Variants in PCNT observed in about 807,000 individuals in gnomAD.
PCNT encodes the protein kendrin.
In PCNT, 319 loss-of-function variants were observed where a neutral mutation model predicts 380.4. The observed-to-expected ratio is 0.84, with a 90% CI of 0.77 to 0.92. The LOEUF is 0.92. PCNT is among the 40% of genes least tolerant of loss of function. The pLI, the probability that PCNT is intolerant of heterozygous loss-of-function variation, is 0.00. For missense variants in PCNT, 4,400 were observed against 4,255.3 expected (o/e 1.03, Z -0.95); for synonymous variants, 1,845 against 1,735.2 (o/e 1.06, Z -1.57).
In PCNT at chr21:46,390,797, A is replaced by T. The variant is rs1485144030; in HGVS notation, c.3968A>T (p.Lys1323Met). The change falls in exon 20 of 47, where the codon AAG becomes ATG. Residue 1323 changes from lysine (K) to methionine (M), a missense_variant. By Grantham distance (95) the Lys-to-Met change is moderately conservative. Coordinates refer to ENST00000359568, the MANE Select transcript of PCNT (RefSeq NM_006031.6). ...TGTTTGAAGGAGGAGAGCGCAGCAA[A>T]GGCAGAGCTGGCGCTGGAGCTGCAC... is the stretch of plus-strand genomic sequence containing the variant. The part of the protein sequence containing the change: ...LECLKEESAA[K>M]AELALELHKT... The T allele has an allele frequency of 6.2e-7, 1 of 1,611,754 alleles. No homozygotes were observed. Among genetic ancestry groups the T allele is most frequent in the African/African-American group, 1.3e-5 (1 of 74,990 alleles).
At chr21:46,394,119 G>A (rs889913511) in intron 21 of PCNT, among the ~76,000 whole-genome samples, 1 of 152,198 alleles carries the variant, frequency 6.6e-6, no homozygotes, top group Non-Finnish European at 1.5e-5. Flanking sequence ...CTGGCTCTGC[G>A]GTTGTGTGAC....
chr21:46,347,098 C>A (rs772537642), intron 5 of PCNT, 100 bp downstream of exon 5: 127 of 1,384,546 alleles, frequency 9.2e-5, no homozygotes, highest in Non-Finnish European at 1.2e-4. Flanking sequence ...GCCCTAGCAC[C>A]GTCTCCCCAT....
intron 3 of PCNT, among the ~76,000 whole-genome samples, chr21:46,344,185 T>C (rs551318018): frequency 1.3e-5 from 2 of 152,168 alleles, no homozygotes; most frequent in South Asian, 4.2e-4. Flanking sequence ...GCCATTCTCC[T>C]GCCTCAGCCT....
intron 5 of PCNT, 100 bp from the exon 6 acceptor site, chr21:46,347,357 C>A: frequency 8.7e-7 from 1 of 1,152,148 alleles, no homozygotes; most frequent in Non-Finnish European, 1.3e-6. Flanking sequence ...AATGCTGGCA[C>A]GTGTCCAGTG....
chr21:46,389,117 G>A, intron 18 of PCNT, 82 bp from the exon 19 acceptor site: 1 of 1,423,940 alleles, frequency 7.0e-7, no homozygotes. Context: ...TGAGTTCTGT[G>A]GCTTCCTTGT....
At chr21:46,357,829 C>T (rs562070517) in intron 13 of PCNT, among the ~76,000 whole-genome samples, 2 of 152,362 alleles carry the variant, frequency 1.3e-5, no homozygotes, top group African/African-American at 4.8e-5. Context: ...GCCTCTGATG[C>T]TCACCCCAAG....
intron 16 of PCNT, among the ~76,000 whole-genome samples, chr21:46,384,332 A>C (rs1325146222): frequency 6.9e-6 from 1 of 144,582 alleles, no homozygotes. Flanking sequence ...GGTGTTGTGC[A>C]TTCAGTGGCG....
At position 46,357,152 on chromosome 21, in the gene PCNT, G is replaced by A. The variant is rs776897767; in HGVS notation, c.2115G>A (p.Lys705=). The part of the protein sequence containing the change: ...LKIENRNLYG[K]LQHETRLKDD... ...TAGAAAATAGAAATTTGTATGGGAA[G>A]TTGCAGCATGAAACTCGTCTGAAGG... The change falls in exon 13 of 47, where the codon AAG becomes AAA. Residue 705 remains lysine, a synonymous_variant. Coordinates refer to ENST00000359568, the MANE Select transcript of PCNT (RefSeq NM_006031.6). The A allele has an allele frequency of 1.9e-6, 3 of 1,613,960 alleles. No homozygotes were observed. The highest frequency in any genetic ancestry group is 1.1e-5 in the South Asian group (1 of 91,078).
At chr21:46,326,089 T>A (rs2083386581) in intron 1 of PCNT, among the ~76,000 whole-genome samples, 1 of 152,250 alleles carries the variant, frequency 6.6e-6, no homozygotes, top group Non-Finnish European at 1.5e-5. Flanking sequence ...AAATTTTTTT[T>A]AAAGTTTTAT....
chr21:46,427,645 T>C lies in PCNT; in HGVS notation c.7344T>C (p.Asp2448=), dbSNP rs1038055956. Residue 2448 remains aspartate (D), a synonymous_variant, in exon 34 of 47, where the codon GAT becomes GAC. Transcript: ENST00000359568. ...AGGAAGTGCCCACCGCGTGCCCCGATTGGAGAGGGGACCTTCTGCAGGTTG... is the reference window on the plus strand; with the variant it reads ...AGGAAGTGCCCACCGCGTGCCCCGACTGGAGAGGGGACCTTCTGCAGGTTG... ...KTQEVPTACP[D]WRGDLLQVVQ... The C allele has an allele frequency of 4.3e-6, 7 of 1,613,762 alleles. No homozygotes were observed. In the East Asian group the frequency reaches 1.3e-4, roughly 31 times the overall value.
At chr21:46,426,022 T>TGC in intron 33 of PCNT, 51 bp downstream of exon 33, 1 of 1,599,442 alleles carries the variant, frequency 6.3e-7, no homozygotes. Flanking sequence ...AAGGAGCTTG[T>TGC]GGTAATGGCC....
chr21:46,376,102 C>A (rs2085325930), intron 15 of PCNT, among the ~76,000 whole-genome samples: 1 of 152,062 alleles, frequency 6.6e-6, no homozygotes, highest in Admixed American at 6.5e-5. Flanking sequence ...TCTCCGTCTG[C>A]AGTGTGTGAC....
intron 15 of PCNT, among the ~76,000 whole-genome samples, chr21:46,371,209 TCTTTC>T (rs1569213114): frequency 3.1e-5 from 4 of 128,394 alleles, no homozygotes; most frequent in Non-Finnish European, 5.4e-5. Flanking sequence ...TTATTTTCTT[TCTTTC>T]TTTTTTTTTT....
intron 21 of PCNT, among the ~76,000 whole-genome samples, chr21:46,395,374 T>G (rs9680484): frequency 6.6e-6 from 1 of 151,476 alleles, no homozygotes; most frequent in Non-Finnish European, 1.5e-5. Context: ...CAGAAATAAT[T>G]ATAATAAAAT....
At chr21:46,364,854 G>A (rs140443002) in intron 14 of PCNT, among the ~76,000 whole-genome samples, 109 of 152,344 alleles carry the variant, frequency 7.2e-4, no homozygotes, top group African/African-American at 2.5e-3. Context: ...CTTCTCACCA[G>A]GCTACGACAT....
chr21:46,350,766 G>A (rs2084237751), intron 8 of PCNT, among the ~76,000 whole-genome samples: 1 of 152,042 alleles, frequency 6.6e-6, no homozygotes. Flanking sequence ...TCTCTCCCTG[G>A]TCCCTTCCAG....
rs755641616 is a variant in PCNT at position 46,324,261 on chromosome 21, G to A, written c.33G>A (p.Lys11=). The change falls in exon 1 of 47, where the codon AAG becomes AAA. Residue 11 remains lysine (K), a synonymous_variant. Coordinates refer to ENST00000359568, the MANE Select transcript of PCNT (RefSeq NM_006031.6). MEVEQEQRRR[K]VEAGRTKLAH... ...TTGAGCAAGAGCAGCGGCGCAGAAAGGTGGAGGCCGGGAGGACGAAGGTAA... is the reference window on the plus strand; with the variant it reads ...TTGAGCAAGAGCAGCGGCGCAGAAAAGTGGAGGCCGGGAGGACGAAGGTAA... 1.8e-5 allele frequency: 29 copies of A among 1,612,088 alleles called. No homozygotes were observed. Among genetic ancestry groups the A allele is most frequent in the Non-Finnish European group, 2.3e-5 (27 of 1,179,082 alleles).
chr21:46,415,339 C>A (rs1441023227), intron 29 of PCNT, among the ~76,000 whole-genome samples: 1 of 149,366 alleles, frequency 6.7e-6, no homozygotes, highest in Non-Finnish European at 1.5e-5. Flanking sequence ...AGTCTTGGGG[C>A]CCTCATGACA....
intron 29 of PCNT, among the ~76,000 whole-genome samples, chr21:46,415,790 C>T (rs553458048): frequency 2.2e-4 from 33 of 152,308 alleles, no homozygotes; most frequent in African/African-American, 7.9e-4. Flanking sequence ...TTTGTGTTTT[C>T]GGTGCTCAGA....
Sources: allele counts gnomAD v4.1 joint callset (sites outside exome capture counted in the v4.1 genomes callset), GRCh38; gene constraint gnomAD v4.1.1; transcripts MANE v1.5; gene names NCBI Gene and HGNC (gene_info 2026-07-23, HGNC 2026-07-21).